The following THUMPD2 variants were observed in gnomAD, a reference collection of about 807,000 sequenced individuals.
The protein encoded by THUMPD2 is THUMP domain 2 tRNA and snRNA guanosine methyltransferase, also known as U6 snRNA (guanine-N(2))-methyltransferase THUMPD2.
In THUMPD2, 56 loss-of-function variants were observed where a neutral mutation model predicts 49.4. That is an observed-to-expected ratio of 1.13 (90% CI 0.91 to 1.41). The LOEUF (loss-of-function observed/expected upper bound fraction) is 1.41. THUMPD2 is among the 40% of genes most tolerant of loss of function. The pLI is 0.00. For missense variants in THUMPD2, 709 were observed against 594.5 expected, an observed-to-expected ratio of 1.19 and a Z score of -2.00; for synonymous variants, 237 against 205.2, an observed-to-expected ratio of 1.15 and a Z score of -1.32.
chr2:39,766,446 C>T (rs531379428), intron 4 of THUMPD2, among the ~76,000 whole-genome samples: 4 of 152,220 alleles, frequency 2.6e-5, no homozygotes, highest in African/African-American at 9.6e-5. Flanking sequence ...AGAAGATTTT[C>T]TAAATCCACC....
At chr2:39,739,074 G>C (rs1673548473) in intron 9 of THUMPD2, among the ~76,000 whole-genome samples, 1 of 152,158 alleles carries the variant, frequency 6.6e-6, no homozygotes, top group South Asian at 2.1e-4. Context: ...CTGGACCACA[G>C]CAACAATCTG....
chr2:39,737,134 G>T, intron 9 of THUMPD2, 75 bp from the exon 10 acceptor site: 1 of 1,345,700 alleles, frequency 7.4e-7, no homozygotes, highest in South Asian at 1.5e-5. Flanking sequence ...CATTTAAAAT[G>T]GTTCATGTTT....
intron 6 of THUMPD2, chr2:39,757,391 T>C (rs1446554508): frequency 7.7e-7 from 1 of 1,303,598 alleles, no homozygotes; most frequent in South Asian, 1.2e-5. Flanking sequence ...AACAAAATGT[T>C]CTTCAAGAGA....
intron 6 of THUMPD2, among the ~76,000 whole-genome samples, chr2:39,758,061 T>C (rs1676367440): frequency 6.6e-6 from 1 of 152,184 alleles, no homozygotes; most frequent in Non-Finnish European, 1.5e-5. Context: ...AAATACACAG[T>C]AAGGAAAAGT....
At chr2:39,770,154 A>C in intron 2 of THUMPD2, 35 bp from the exon 3 acceptor site, 1 of 1,388,192 alleles carries the variant, frequency 7.2e-7, no homozygotes, top group Non-Finnish European at 9.4e-7. Flanking sequence ...CCTCTATTGA[A>C]GCTTTAAAGA....
chr2:39,771,803 C>T (rs1205572522), intron 1 of THUMPD2, among the ~76,000 whole-genome samples, 163 bp from the exon 2 acceptor site: 1 of 152,108 alleles, frequency 6.6e-6, no homozygotes, highest in Non-Finnish European at 1.5e-5. Context: ...GTATTTTCCT[C>T]CTTATCCTTA....
At chr2:39,741,112 G>T (rs1032665412) in intron 9 of THUMPD2, among the ~76,000 whole-genome samples, 4 of 152,084 alleles carry the variant, frequency 2.6e-5, no homozygotes, top group African/African-American at 7.2e-5. Context: ...ATAATAATAA[G>T]AATACAATAT....
intron 8 of THUMPD2, among the ~76,000 whole-genome samples, chr2:39,749,312 A>G (rs555307711): frequency 6.6e-6 from 1 of 152,314 alleles, no homozygotes; most frequent in South Asian, 2.1e-4. Flanking sequence ...GACTTAACTG[A>G]TTATCTTTCT....
intron 6 of THUMPD2, among the ~76,000 whole-genome samples, chr2:39,760,312 C>G (rs1676656306): frequency 6.6e-6 from 1 of 151,944 alleles, no homozygotes; most frequent in African/African-American, 2.4e-5. Context: ...AACGGTGTGT[C>G]TTGGCAGAGG....
intron 5 of THUMPD2, among the ~76,000 whole-genome samples, chr2:39,765,306 C>A (rs911968664): frequency 6.6e-6 from 1 of 151,972 alleles, no homozygotes. Context: ...ATTACAGGTG[C>A]CTGCTACCAT....
intron 8 of THUMPD2, among the ~76,000 whole-genome samples, chr2:39,752,128 T>C (rs1675489555): frequency 6.6e-6 from 1 of 152,224 alleles, no homozygotes; most frequent in South Asian, 2.1e-4. Flanking sequence ...ATAGGAATGA[T>C]TATTACTAAC....
rs1200291001 is a variant in THUMPD2, at chr2:39,744,661, T to C, written c.1079-183A>G. 4.1e-5 allele frequency: 18 copies of C among 437,364 alleles called. No individual in the cohort carries two copies. The East Asian group carries it at 4.9e-4, about 12-fold the overall frequency. The allele number at this position is 437,364 out of a possible 1,614,324, so 27.1% of individuals were successfully genotyped here. ...TTTCACAATCACTAATGATAAATGATAGTTATTGTATTCTGTTCGTTGAAA... is the reference window on the plus strand; with the variant it reads ...TTTCACAATCACTAATGATAAATGACAGTTATTGTATTCTGTTCGTTGAAA... On this transcript the variant is annotated intron_variant, in intron 8 of 9. Transcript: ENST00000505747.
intron 9 of THUMPD2, among the ~76,000 whole-genome samples, chr2:39,741,668 G>C (rs527617785): frequency 6.6e-6 from 1 of 152,172 alleles, no homozygotes; most frequent in Non-Finnish European, 1.5e-5. Flanking sequence ...CATAGCTCAT[G>C]CCACCAGAGT....
At chr2:39,762,676 C>G (rs1207313500) in intron 5 of THUMPD2, among the ~76,000 whole-genome samples, 1 of 151,128 alleles carries the variant, frequency 6.6e-6, no homozygotes, top group African/African-American at 2.4e-5. Context: ...ACGGGGTAAG[C>G]TTAGCAATTA....
rs1678071714 is a variant in THUMPD2, at chr2:39,769,822, T to G, written c.560A>C (p.Glu187Ala). The change falls in exon 3 of 10, where the codon GAA becomes GCA. Residue 187 changes from glutamate to alanine, a missense_variant. By Grantham distance (107) the Glu-to-Ala change is moderately radical (BLOSUM62 -1). Coordinates refer to ENST00000505747, the MANE Select transcript of THUMPD2 (RefSeq NM_025264.5). ...TTTCTCTATGTCATTCTGAAATTCT[T>G]CTTCTTGAAACTTTTCGCTTTTAGT... The part of the protein sequence containing the change: ...FTTKSEKFQE[E>A]EFQNDIEKAI... The G allele has an allele frequency of 6.2e-6, 10 of 1,611,808 alleles. No individual in the cohort carries two copies. In the East Asian group the frequency reaches 2.0e-4, roughly 32 times the overall value.
intron 8 of THUMPD2, among the ~76,000 whole-genome samples, chr2:39,754,109 A>C (rs929829441): frequency 6.6e-6 from 1 of 152,184 alleles, no homozygotes. Flanking sequence ...CATGCCTACA[A>C]GGTGCTTTGG....
intron 8 of THUMPD2, 94 bp from the exon 9 acceptor site, chr2:39,744,572 C>A: frequency 1.3e-6 from 1 of 772,760 alleles, no homozygotes; most frequent in Non-Finnish European, 2.0e-6. Flanking sequence ...ATTATTTTTG[C>A]GTAACAGATT....
chr2:39,767,921 G>T (rs1677772943), intron 4 of THUMPD2, among the ~76,000 whole-genome samples: 1 of 151,926 alleles, frequency 6.6e-6, no homozygotes, highest in Admixed American at 6.6e-5. Flanking sequence ...AAATAGCAAA[G>T]AATATTTTTT....
At chr2:39,740,155 G>C (rs1196101686) in intron 9 of THUMPD2, among the ~76,000 whole-genome samples, 1 of 152,162 alleles carries the variant, frequency 6.6e-6, no homozygotes. Flanking sequence ...GTGATACTGT[G>C]ACTGTGGTGC....
Sources: allele counts gnomAD v4.1 joint callset (sites outside exome capture counted in the v4.1 genomes callset), GRCh38; gene constraint gnomAD v4.1.1; transcripts MANE v1.5; gene names NCBI Gene and HGNC (gene_info 2026-07-23, HGNC 2026-07-21).